The following CADPS2 variants were observed in gnomAD, a reference collection of about 807,000 sequenced individuals.
The protein encoded by CADPS2 is calcium-dependent secretion activator 2.
CADPS2 carries 93 observed loss-of-function variants against 172.5 expected under a neutral mutation model. The ratio of observed to expected loss-of-function variants is 0.54; its 90% CI spans 0.46 to 0.64. The LOEUF (loss-of-function observed/expected upper bound fraction) is 0.64. CADPS2 is among the 30% of genes least tolerant of loss of function. The pLI, the probability that CADPS2 is intolerant of heterozygous loss-of-function variation, is 0.00. For synonymous variants in CADPS2, 546 were observed against 555.2 expected (o/e 0.98, Z 0.23); for missense variants, 1,420 against 1,565.9 (o/e 0.91, Z 1.57).
chr7:122,739,287 T>C (rs2092349435), intron 1 of CADPS2, among the ~76,000 whole-genome samples: 1 of 152,196 alleles, frequency 6.6e-6, no homozygotes, highest in Non-Finnish European at 1.5e-5. Flanking sequence ...TGCCAACTCC[T>C]TTGCTTGATA....
chr7:122,718,569 C>T (rs370789406), intron 2 of CADPS2, among the ~76,000 whole-genome samples: 6 of 152,176 alleles, frequency 3.9e-5, no homozygotes, highest in African/African-American at 1.4e-4. Flanking sequence ...ATATTCAGTA[C>T]CCACAGGTTT....
At chr7:122,492,064 C>T (rs980285804) in intron 9 of CADPS2, among the ~76,000 whole-genome samples, 6 of 152,014 alleles carry the variant, frequency 3.9e-5, no homozygotes, top group African/African-American at 1.4e-4. Context: ...CCCAGCAACT[C>T]TGGAGGCTGA....
At chr7:122,804,770 C>G (rs1051438499) in intron 1 of CADPS2, among the ~76,000 whole-genome samples, 29 of 152,244 alleles carry the variant, frequency 1.9e-4, no homozygotes, top group Middle Eastern at 3.4e-3. Context: ...TGTAAGATTT[C>G]CTATGTCTTG....
At chr7:122,569,774 A>C (rs1247732650) in intron 7 of CADPS2, among the ~76,000 whole-genome samples, 3 of 146,922 alleles carry the variant, frequency 2.0e-5, no homozygotes, top group Non-Finnish European at 4.4e-5. Context: ...AAAAACAAGC[A>C]ATGGGGAAAG....
At chr7:122,844,416 T>C (rs1811399436) in intron 1 of CADPS2, among the ~76,000 whole-genome samples, 1 of 152,224 alleles carries the variant, frequency 6.6e-6, no homozygotes, top group African/African-American at 2.4e-5. Flanking sequence ...AACTCTCATT[T>C]CCAGGAGATG....
chr7:122,840,075 A>G (rs1157934927), intron 1 of CADPS2, among the ~76,000 whole-genome samples: 5 of 152,226 alleles, frequency 3.3e-5, no homozygotes, highest in Non-Finnish European at 7.3e-5. Flanking sequence ...TGAGGCACAT[A>G]TACACCATGG....
chr7:122,518,043 G>A (rs1447899293), intron 8 of CADPS2, among the ~76,000 whole-genome samples: 3 of 151,622 alleles, frequency 2.0e-5, no homozygotes, highest in Non-Finnish European at 2.9e-5. Flanking sequence ...TTCTATTTCA[G>A]AAAAATATAC....
chr7:122,415,934 G>T, intron 18 of CADPS2, 127 bp downstream of exon 18: 1 of 489,978 alleles, frequency 2.0e-6, no homozygotes, highest in Non-Finnish European at 3.6e-6. Context: ...ACTGCTTATC[G>T]TTGGTGCTTA....
chr7:122,713,774 G>A (rs1236418066), intron 2 of CADPS2, among the ~76,000 whole-genome samples: 1 of 151,912 alleles, frequency 6.6e-6, no homozygotes, highest in Non-Finnish European at 1.5e-5. Flanking sequence ...AATATTTCAT[G>A]ATTCATAGAA....
chr7:122,649,890 A>G (rs1489496385), intron 3 of CADPS2, among the ~76,000 whole-genome samples: 1 of 72,820 alleles, frequency 1.4e-5, no homozygotes, highest in East Asian at 6.0e-4. Flanking sequence ...TTTCTTAAGT[A>G]TTCAATGATT....
intron 28 of CADPS2, among the ~76,000 whole-genome samples, chr7:122,333,599 TA>T (rs2035366353): frequency 6.6e-6 from 1 of 152,222 alleles, no homozygotes; most frequent in Admixed American, 6.5e-5. Context: ...TGTCAGCCTT[TA>T]AGACTCAGCT....
intron 25 of CADPS2, among the ~76,000 whole-genome samples, chr7:122,366,441 A>G (rs997299846): frequency 1.3e-5 from 1 of 75,468 alleles, no homozygotes; most frequent in Non-Finnish European, 2.8e-5. Context: ...CATCTCTACT[A>G]AAAAAAAAAA....
chr7:122,841,982 A>G (rs1243577076), intron 1 of CADPS2, among the ~76,000 whole-genome samples: 1 of 152,192 alleles, frequency 6.6e-6, no homozygotes, highest in Non-Finnish European at 1.5e-5. Context: ...GTGTGGGTGA[A>G]GAGAAACCAT....
intron 1 of CADPS2, chr7:122,849,798 T>C: frequency 3.9e-6 from 2 of 517,220 alleles, no homozygotes; most frequent in South Asian, 3.1e-5. Context: ...CCCTCTCCCT[T>C]TACATCATCC....
chr7:122,637,355 G>C (rs564340834), intron 3 of CADPS2, among the ~76,000 whole-genome samples: 1 of 151,544 alleles, frequency 6.6e-6, no homozygotes, highest in Admixed American at 6.6e-5. Flanking sequence ...CACCATACCT[G>C]GCTAATTTCT....
At chr7:122,748,680 C>T (rs2092822340) in intron 1 of CADPS2, among the ~76,000 whole-genome samples, 1 of 152,084 alleles carries the variant, frequency 6.6e-6, no homozygotes, top group African/African-American at 2.4e-5. Context: ...TGGCTATCTG[C>T]AAAAGAAGAA....
intron 27 of CADPS2, among the ~76,000 whole-genome samples, chr7:122,351,910 CATTTTATT>C: frequency 6.6e-6 from 1 of 152,136 alleles, no homozygotes; most frequent in Non-Finnish European, 1.5e-5. Flanking sequence ...TAGTATGTTA[CATTTTATT>C]ATATCAATGG....
chr7:122,717,334 T>G (rs966781480), intron 2 of CADPS2, among the ~76,000 whole-genome samples: 1 of 152,118 alleles, frequency 6.6e-6, no homozygotes, highest in African/African-American at 2.4e-5. Flanking sequence ...GATGTGTAAA[T>G]TGAGGGTAAA....
At chr7:122,632,318 A>G (rs1050284686) in intron 3 of CADPS2, among the ~76,000 whole-genome samples, 8 of 152,152 alleles carry the variant, frequency 5.3e-5, no homozygotes, top group Non-Finnish European at 1.0e-4. Context: ...TTGGATTACC[A>G]CCCACAGAAT....
Sources: allele counts gnomAD v4.1 joint callset (sites outside exome capture counted in the v4.1 genomes callset), GRCh38; gene constraint gnomAD v4.1.1; transcripts MANE v1.5; gene names NCBI Gene and HGNC (gene_info 2026-07-23, HGNC 2026-07-21).